NEK7: variants seen among roughly 807,000 people sequenced by gnomAD.
NEK7 encodes the protein serine/threonine-protein kinase Nek7.
Under a neutral mutation model 44.6 loss-of-function variants are expected in NEK7, and 18 were observed. The ratio of observed to expected loss-of-function variants is 0.40; its 90% CI spans 0.28 to 0.60. The LOEUF is 0.60. Among genes scored for constraint, NEK7 ranks in the 20% least tolerant of loss-of-function variants. NEK7 has a pLI of 0.38. For synonymous variants in NEK7, 130 were observed against 121.1 expected (o/e 1.07, Z -0.48); for missense variants, 256 against 366.5 (o/e 0.70, Z 2.46).
chr1:198,194,382 T>A (rs1665168537), intron 1 of NEK7, among the ~76,000 whole-genome samples: 1 of 151,992 alleles, frequency 6.6e-6, no homozygotes, highest in Non-Finnish European at 1.5e-5. Flanking sequence ...GTATACATTA[T>A]TTTGTCACCT....
intron 9 of NEK7, among the ~76,000 whole-genome samples, chr1:198,307,201 T>A (rs1356539214): frequency 2.0e-5 from 3 of 152,132 alleles, no homozygotes; most frequent in African/African-American, 4.8e-5. Context: ...AATATACTAT[T>A]AATAGTTCCT....
chr1:198,302,946 T>G (rs1481944093), intron 9 of NEK7, among the ~76,000 whole-genome samples: 4 of 152,024 alleles, frequency 2.6e-5, no homozygotes, highest in Admixed American at 6.5e-5. Context: ...CATTTCATGA[T>G]TTTTACTCTT....
intron 1 of NEK7, among the ~76,000 whole-genome samples, chr1:198,228,675 T>G (rs1456086051): frequency 6.6e-6 from 1 of 152,206 alleles, no homozygotes; most frequent in Non-Finnish European, 1.5e-5. Context: ...TGTTTGTCTG[T>G]TATTGGTGTA....
intron 3 of NEK7, among the ~76,000 whole-genome samples, chr1:198,253,517 A>G (rs573190936): frequency 5.3e-5 from 8 of 152,278 alleles, no homozygotes; most frequent in African/African-American, 1.4e-4. Flanking sequence ...AGCTATAGGC[A>G]CTGTAGTCAG....
intron 3 of NEK7, among the ~76,000 whole-genome samples, chr1:198,260,189 C>T (rs574582689): frequency 3.9e-5 from 6 of 152,162 alleles, no homozygotes; most frequent in Admixed American, 6.6e-5. Flanking sequence ...CTATGATGCT[C>T]TTGGAGAAAA....
At chr1:198,199,648 C>T (rs569724435) in intron 1 of NEK7, among the ~76,000 whole-genome samples, 8 of 152,060 alleles carry the variant, frequency 5.3e-5, no homozygotes, top group African/African-American at 1.2e-4. Flanking sequence ...GGGATTGTTA[C>T]GTCTTGCTGA....
intron 1 of NEK7, among the ~76,000 whole-genome samples, chr1:198,183,687 A>C (rs773104963): frequency 5.3e-5 from 8 of 152,018 alleles, no homozygotes; most frequent in Non-Finnish European, 1.0e-4. Context: ...CTTTTTACCA[A>C]TGTTTTTTAA....
intron 1 of NEK7, among the ~76,000 whole-genome samples, chr1:198,217,314 T>C (rs192366625): frequency 6.6e-6 from 1 of 152,084 alleles, no homozygotes; most frequent in East Asian, 1.9e-4. Context: ...ATGTGATTGA[T>C]CACATGAACA....
chr1:198,203,025 T>C (rs1462236038), intron 1 of NEK7, among the ~76,000 whole-genome samples: 1 of 147,964 alleles, frequency 6.8e-6, no homozygotes, highest in Non-Finnish European at 1.5e-5. Context: ...TACAAATGCT[T>C]TTGGAGTAAA....
At chr1:198,170,207 C>T (rs950384658) in intron 1 of NEK7, among the ~76,000 whole-genome samples, 2 of 152,128 alleles carry the variant, frequency 1.3e-5, no homozygotes, top group African/African-American at 4.8e-5. Flanking sequence ...ATTCCAAGGT[C>T]TGAAAGATCT....
At chr1:198,317,878 T>TTTTTG (rs1553258410) in intron 9 of NEK7, among the ~76,000 whole-genome samples, 21,391 of 47,380 alleles carry the variant, frequency 0.45, 2,534 homozygotes, top group East Asian at 0.59. Flanking sequence ...GATATATTTA[T>TTTTTG]TTTTTTTTTT....
At chr1:198,297,270 T>A in intron 9 of NEK7, 30 bp downstream of exon 9, 1 of 1,601,286 alleles carries the variant, frequency 6.2e-7, no homozygotes, top group Non-Finnish European at 8.5e-7. Context: ...CATGTTCTTC[T>A]GTTGTCCATT....
At position 198,191,491 on chromosome 1, in the gene NEK7, C is replaced by T. The variant is rs149309518; in HGVS notation, c.-29+34215C>T. 1.8e-3 allele frequency among the ~76,000 whole-genome samples: 266 copies of T among 151,802 alleles called. 1 individual carries two copies. The highest frequency in any genetic ancestry group is 6.3e-3 in the African/African-American group (260 of 41,434). ...AGTTAAAAAAAATTAGGTTGACTTT[C>T]GCGTATTGATTTTTTTCATAAATCC... On this transcript the variant is annotated intron_variant, in intron 1 of 9. Coordinates refer to ENST00000367385, the MANE Select transcript of NEK7 (RefSeq NM_133494.3).
rs986890779 is a variant in NEK7, at chr1:198,302,697, T to C, written c.798+5457T>C. 3.9e-5 allele frequency among the ~76,000 whole-genome samples: 6 copies of C among 152,188 alleles called. No individual in the cohort carries two copies. In the East Asian group the frequency reaches 9.6e-4, roughly 24 times the overall value. On this transcript the variant is annotated intron_variant, in intron 9 of 9. Transcript: ENST00000367385. ...ATATTTATGTGGCTTTGAATAAAAT[T>C]ACAATACTGAATTTTTTTCAACTTT... is the stretch of plus-strand genomic sequence containing the variant.
chr1:198,245,800 A>C (rs1666819732), intron 2 of NEK7, among the ~76,000 whole-genome samples: 1 of 152,192 alleles, frequency 6.6e-6, no homozygotes, highest in South Asian at 2.1e-4. Context: ...TAGAAAAAAA[A>C]AACCTGGGTC....
intron 7 of NEK7, among the ~76,000 whole-genome samples, chr1:198,282,726 G>C (rs1169634165): frequency 6.6e-6 from 1 of 152,064 alleles, no homozygotes; most frequent in Non-Finnish European, 1.5e-5. Flanking sequence ...AGAAAGAAAG[G>C]GGGAAGTGGA....
At chr1:198,240,700 T>G (rs1269371080) in intron 2 of NEK7, among the ~76,000 whole-genome samples, 1 of 152,184 alleles carries the variant, frequency 6.6e-6, no homozygotes, top group Admixed American at 6.5e-5. Flanking sequence ...TTTTTTGTTG[T>G]TGTTCTTGAG....
At chr1:198,166,585 G>T (rs1664275651) in intron 1 of NEK7, among the ~76,000 whole-genome samples, 1 of 152,176 alleles carries the variant, frequency 6.6e-6, no homozygotes, top group Non-Finnish European at 1.5e-5. Context: ...TTATTGTTGT[G>T]TCTCAGGGAA....
In NEK7 at chr1:198,272,533, CAT is replaced by C. The variant is rs1319764408; in HGVS notation, c.373-5426_373-5425del. 2.0e-5 allele frequency among the ~76,000 whole-genome samples: 3 copies of C among 151,930 alleles called. No homozygotes were observed. In the East Asian group the frequency reaches 5.8e-4, roughly 29 times the overall value. ...ACTCTCTTAGTGTTGTCTAGTATAA[CAT>C]AGCAAGAAAATTTATTAAAGAGGGA... On this transcript the variant is annotated intron_variant, in intron 5 of 9. Transcript: ENST00000367385.
Sources: gnomAD v4.1 joint callset for allele counts (sites outside exome capture counted in the v4.1 genomes callset) on GRCh38, gnomAD v4.1.1 for gene constraint, MANE v1.5 for transcripts, NCBI Gene and HGNC (gene_info 2026-07-23, HGNC 2026-07-21) for gene names.